The following AKAP10 variants were observed in gnomAD, a reference collection of about 807,000 sequenced individuals.
AKAP10 encodes A-kinase anchor protein 10, mitochondrial.
A neutral mutation model predicts 80.8 loss-of-function variants in AKAP10; 24 were observed. The observed-to-expected ratio is 0.30, with a 90% CI of 0.22 to 0.42. The LOEUF (loss-of-function observed/expected upper bound fraction) is 0.42, where lower values mean the gene tolerates loss of function less well. Ranked by LOEUF, AKAP10 falls within the 10% of genes least tolerant of loss-of-function variation. AKAP10 has a pLI of 1.00. For missense variants in AKAP10, 661 were observed against 794.9 expected (o/e 0.83, Z 2.03); for synonymous variants, 291 against 277.7 (o/e 1.05, Z -0.48).
rs867674132 is a variant in AKAP10, at chr17:19,960,275, T to C, written c.320-1704A>G. Reference sequence around the variant, plus strand: ...TGTAATTTTATCACATTGAGATTTCTGCATCCACTGCCAAGATACAACTTC... The same window carrying C: ...TGTAATTTTATCACATTGAGATTTCCGCATCCACTGCCAAGATACAACTTC... On this transcript the variant is annotated intron_variant, in intron 3 of 14. Coordinates refer to ENST00000225737, the MANE Select transcript of AKAP10 (RefSeq NM_007202.4). 5.3e-5 allele frequency among the ~76,000 whole-genome samples: 8 copies of C among 152,368 alleles called. No individual in the cohort carries two copies. The South Asian group carries it at 1.2e-3, about 24-fold the overall frequency.
At chr17:19,937,526 A>G (rs998198845) in intron 8 of AKAP10, among the ~76,000 whole-genome samples, 3 of 152,178 alleles carry the variant, frequency 2.0e-5, no homozygotes, top group Non-Finnish European at 4.4e-5. Flanking sequence ...AAGAAAAAAA[A>G]GAAAACTCTC....
At chr17:19,940,861 A>T (rs1166924741) in intron 7 of AKAP10, 26 bp downstream of exon 7, 5 of 1,577,290 alleles carry the variant, frequency 3.2e-6, no homozygotes, top group Non-Finnish European at 4.3e-6. Context: ...GCTCGAATAG[A>T]GTGTGAAAAG....
At chr17:19,970,852 G>T (rs1389096578) in intron 1 of AKAP10, among the ~76,000 whole-genome samples, 1 of 151,192 alleles carries the variant, frequency 6.6e-6, no homozygotes, top group East Asian at 2.0e-4. Flanking sequence ...AATAAATAAA[G>T]ACATTTTCCT....
At chr17:19,918,535 T>C (rs1597491338) in intron 12 of AKAP10, among the ~76,000 whole-genome samples, 1 of 152,310 alleles carries the variant, frequency 6.6e-6, no homozygotes, top group East Asian at 1.9e-4. Flanking sequence ...TTGGCCAGGA[T>C]GGTCTCAATC....
intron 10 of AKAP10, among the ~76,000 whole-genome samples, chr17:19,924,978 A>G (rs2042861056): frequency 1.3e-5 from 2 of 152,094 alleles, no homozygotes; most frequent in Admixed American, 6.6e-5. Flanking sequence ...AGCATGGTCA[A>G]TATGGTGAAA....
At chr17:19,941,720 T>C (rs1378484514) in intron 6 of AKAP10, 106 bp downstream of exon 6, 3 of 738,562 alleles carry the variant, frequency 4.1e-6, no homozygotes, top group South Asian at 5.3e-5. Context: ...ATATCCAAAA[T>C]ATTTAAATTC....
At chr17:19,933,962 C>A (rs2042965949) in intron 9 of AKAP10, among the ~76,000 whole-genome samples, 1 of 152,038 alleles carries the variant, frequency 6.6e-6, no homozygotes, top group Admixed American at 6.6e-5. Context: ...GCTCTTGTTG[C>A]CCAGGCTGGA....
chr17:19,919,974 G>T, intron 12 of AKAP10, 62 bp downstream of exon 12: 1 of 1,401,504 alleles, frequency 7.1e-7, no homozygotes, highest in South Asian at 1.2e-5. Context: ...AGTGGTCTTT[G>T]ACTTACAGTC....
Position 19,959,010 on chromosome 17 carries a change from G to A in AKAP10, c.320-439C>T, listed in dbSNP as rs541888100. On this transcript the variant is annotated intron_variant, in intron 3 of 14. Coordinates refer to ENST00000225737, the MANE Select transcript of AKAP10 (RefSeq NM_007202.4). The stretch of plus-strand genomic sequence containing the variant: ...TGGGATTACAGGCACCCGCCACCAC[G>A]CTGAGCTAGTTTTTGTACTTTTAGT... Among the ~76,000 whole-genome samples the A allele has an allele frequency of 2.6e-4, 40 of 151,818 alleles. 1 individual carries two copies. The highest frequency in any genetic ancestry group is 2.6e-3 in the Admixed American group (39 of 15,238).
chr17:19,945,873 T>C (rs577334081), intron 5 of AKAP10, among the ~76,000 whole-genome samples: 1 of 152,018 alleles, frequency 6.6e-6, no homozygotes, highest in Non-Finnish European at 1.5e-5. Context: ...TTAGGACTTA[T>C]GAGAATGTAA....
rs369577111 is a variant in AKAP10, at chr17:19,936,356, C to A, written c.1397G>T (p.Cys466Phe). 1 of 1,613,584 alleles carries A rather than the reference C, an allele frequency of 6.2e-7. No individual in the cohort carries two copies. Among genetic ancestry groups the A allele is most frequent in the African/African-American group, 1.3e-5 (1 of 74,916 alleles). Residue 466 changes from cysteine (C) to phenylalanine (F), a missense_variant, in exon 9 of 15, where the codon TGC becomes TTC. Coordinates refer to ENST00000225737, the MANE Select transcript of AKAP10 (RefSeq NM_007202.4). ...GTTGGGGAGTGGCCCACCTTCCCTG[C>A]AGATATTGGATTCAATTTCTAATCG... ...VVRLEIESNI[C>F]REGGPLPNCF...
intron 6 of AKAP10, among the ~76,000 whole-genome samples, chr17:19,941,398 A>C (rs958229528): frequency 6.6e-6 from 1 of 152,230 alleles, no homozygotes; most frequent in Non-Finnish European, 1.5e-5. Context: ...AATAAATCTA[A>C]AAAACCTCTG....
intron 5 of AKAP10, among the ~76,000 whole-genome samples, chr17:19,943,471 G>A (rs185496820): frequency 2.4e-4 from 37 of 152,284 alleles, no homozygotes; most frequent in Non-Finnish European, 4.6e-4. Context: ...GAATGGGGAG[G>A]GGGGCTTCTG....
At chr17:19,970,926 C>T (rs1054932970) in intron 1 of AKAP10, among the ~76,000 whole-genome samples, 4 of 151,624 alleles carry the variant, frequency 2.6e-5, no homozygotes, top group African/African-American at 4.8e-5. Context: ...TTTTGAGACA[C>T]GGTCTTGCTT....
intron 4 of AKAP10, among the ~76,000 whole-genome samples, chr17:19,952,246 CTGAG>C (rs2043223715): frequency 6.6e-6 from 1 of 151,752 alleles, no homozygotes; most frequent in African/African-American, 2.4e-5. Context: ...GGTGGATCAC[CTGAG>C]GTCAGGAGTT....
chr17:19,933,749 G>GT (rs2152413348), intron 9 of AKAP10, among the ~76,000 whole-genome samples: 1 of 152,058 alleles, frequency 6.6e-6, no homozygotes, highest in South Asian at 2.1e-4. Context: ...CTAAAATTCA[G>GT]TTTTTATGTA....
chr17:19,925,775 A>C (rs2042869711), intron 10 of AKAP10, among the ~76,000 whole-genome samples: 2 of 152,304 alleles, frequency 1.3e-5, no homozygotes, highest in South Asian at 4.1e-4. Context: ...ATACACAGTT[A>C]AACAAAAAAG....
chr17:19,933,475 A>T (rs1276447893), intron 9 of AKAP10, among the ~76,000 whole-genome samples: 1 of 152,200 alleles, frequency 6.6e-6, no homozygotes, highest in Non-Finnish European at 1.5e-5. Context: ...GGGTCTTGAC[A>T]GTGTTCTTAA....
intron 8 of AKAP10, among the ~76,000 whole-genome samples, chr17:19,937,534 C>T (rs1351990347): frequency 6.6e-6 from 1 of 151,962 alleles, no homozygotes; most frequent in Non-Finnish European, 1.5e-5. Flanking sequence ...AAAGAAAACT[C>T]TCCTTTTAAA....
Sources: gnomAD v4.1 joint callset for allele counts (sites outside exome capture counted in the v4.1 genomes callset) on GRCh38, gnomAD v4.1.1 for gene constraint, MANE v1.5 for transcripts, NCBI Gene and HGNC (gene_info 2026-07-23, HGNC 2026-07-21) for gene names.